WDR7: variants seen among roughly 807,000 people sequenced by gnomAD.
WDR7 encodes the protein WD repeat domain 7, also known as WD repeat-containing protein 7.
WDR7 carries 46 observed loss-of-function variants against 169.4 expected under a neutral mutation model. The observed-to-expected ratio is 0.27, with a 90% CI of 0.21 to 0.35. The LOEUF is 0.35. Ranked by LOEUF, WDR7 falls within the 10% of genes least tolerant of loss-of-function variation. WDR7 has a pLI of 1.00. For synonymous variants in WDR7, 612 were observed against 666.8 expected, an observed-to-expected ratio of 0.92 and a Z score of 1.27; for missense variants, 1,534 against 1,859.3, an observed-to-expected ratio of 0.83 and a Z score of 3.22.
chr18:56,817,964 C>G (rs1406568065), intron 20 of WDR7, among the ~76,000 whole-genome samples: 1 of 152,088 alleles, frequency 6.6e-6, no homozygotes, highest in Non-Finnish European at 1.5e-5. Flanking sequence ...AGGCTGGTCT[C>G]AAATTCCTGA....
intron 26 of WDR7, among the ~76,000 whole-genome samples, chr18:56,983,333 C>T (rs1203542949): frequency 4.6e-5 from 7 of 152,090 alleles, no homozygotes; most frequent in African/African-American, 1.7e-4. Flanking sequence ...TAAGAAGCCA[C>T]CTTTCCTATT....
At chr18:56,958,827 T>TA (rs1294928640) in intron 25 of WDR7, among the ~76,000 whole-genome samples, 1 of 152,166 alleles carries the variant, frequency 6.6e-6, no homozygotes, top group Non-Finnish European at 1.5e-5. Context: ...GTCATAAAAA[T>TA]CCATGTTTAG....
intron 1 of WDR7, among the ~76,000 whole-genome samples, chr18:56,662,251 T>C (rs2024920326): frequency 6.6e-6 from 1 of 152,232 alleles, no homozygotes; most frequent in Admixed American, 6.5e-5. Flanking sequence ...GAAAACACCC[T>C]GTTGCTAGGA....
At position 56,757,258 on chromosome 18, in the gene WDR7, C is replaced by G. The variant is rs1483957145; in HGVS notation, c.2665C>G (p.Gln889Glu). Residue 889 changes from glutamine to glutamate, a missense_variant, in exon 15 of 28, where the codon CAG becomes GAG. Transcript: ENST00000254442. ...CGGAGTGTCCCGTGCCGTCACCACA[C>G]AGCATCTCCTGTCTATCATTTCTTT... ...TYGVSRAVTT[Q>E]HLLSIISLAN... The G allele has an allele frequency of 3.1e-6, 5 of 1,614,180 alleles. No individual in the cohort carries two copies. Among genetic ancestry groups the G allele is most frequent in the Non-Finnish European group, 4.2e-6 (5 of 1,180,028 alleles).
chr18:56,848,627 G>A (rs1235019736), intron 20 of WDR7, among the ~76,000 whole-genome samples: 2 of 152,128 alleles, frequency 1.3e-5, no homozygotes, highest in African/African-American at 4.8e-5. Context: ...TGAGTCATGG[G>A]GGTGGATCCC....
intron 21 of WDR7, among the ~76,000 whole-genome samples, chr18:56,897,562 AG>A (rs1449800802): frequency 6.6e-6 from 1 of 152,020 alleles, no homozygotes; most frequent in East Asian, 1.9e-4. Flanking sequence ...GTGCTAAGAA[AG>A]GGGGTGAATT....
chr18:56,671,071 C>T (rs955074269), intron 1 of WDR7, among the ~76,000 whole-genome samples: 2 of 152,160 alleles, frequency 1.3e-5, no homozygotes, highest in Non-Finnish European at 2.9e-5. Flanking sequence ...TGCTCTCCTG[C>T]AAGAGGTGCA....
chr18:56,677,374 C>A (rs185582606), intron 2 of WDR7, among the ~76,000 whole-genome samples: 2 of 152,188 alleles, frequency 1.3e-5, no homozygotes, highest in East Asian at 3.9e-4. Context: ...TATTTTGAGA[C>A]AGTATTTCTC....
intron 26 of WDR7, among the ~76,000 whole-genome samples, chr18:56,978,083 C>T (rs2047592711): frequency 6.6e-6 from 1 of 152,160 alleles, no homozygotes; most frequent in South Asian, 2.1e-4. Context: ...TGCCATTATA[C>T]CTATACAGCA....
chr18:56,756,828 A>G lies in WDR7; in HGVS notation c.2235A>G (p.Gln745=). The G allele has an allele frequency of 6.2e-7, 1 of 1,614,138 alleles. No homozygotes were observed. The highest frequency in any genetic ancestry group is 8.5e-7 in the Non-Finnish European group (1 of 1,180,024). Residue 745 remains glutamine, a synonymous_variant, in exon 15 of 28, where the codon CAA becomes CAG. Coordinates refer to ENST00000254442, the MANE Select transcript of WDR7 (RefSeq NM_015285.3). ...TGKRAAVLFQ[Q]VKETIKENIK... Reference sequence around the variant, plus strand: ...AACGAGCAGCAGTTCTCTTCCAACAAGTGAAAGAAACGATCAAAGAGAACA... The same window carrying G: ...AACGAGCAGCAGTTCTCTTCCAACAGGTGAAAGAAACGATCAAAGAGAACA...
chr18:56,810,700 CAA>C (rs1298568175), intron 19 of WDR7, among the ~76,000 whole-genome samples: 3 of 152,090 alleles, frequency 2.0e-5, no homozygotes, highest in African/African-American at 4.8e-5. Context: ...AAAAAAGTAT[CAA>C]GAGAGTACAC....
At chr18:56,657,398 C>A (rs2024801381) in intron 1 of WDR7, among the ~76,000 whole-genome samples, 1 of 152,128 alleles carries the variant, frequency 6.6e-6, no homozygotes, top group Non-Finnish European at 1.5e-5. Flanking sequence ...ATCCTCCCAC[C>A]TAGGCCTCCT....
intron 21 of WDR7, among the ~76,000 whole-genome samples, chr18:56,906,535 T>C (rs1057263302): frequency 2.3e-5 from 3 of 131,338 alleles, no homozygotes; most frequent in African/African-American, 8.3e-5. Flanking sequence ...TTTCTTTCTT[T>C]CTTTCCTTCT....
intron 20 of WDR7, among the ~76,000 whole-genome samples, chr18:56,855,611 T>C (rs757974334): frequency 6.6e-6 from 1 of 152,198 alleles, no homozygotes; most frequent in Non-Finnish European, 1.5e-5. Flanking sequence ...CTTCATGATA[T>C]ATGCATATCT....
intron 20 of WDR7, among the ~76,000 whole-genome samples, chr18:56,839,880 T>C (rs2045454663): frequency 6.6e-6 from 1 of 151,922 alleles, no homozygotes; most frequent in Admixed American, 6.6e-5. Context: ...GGCCAAAATA[T>C]TGAAACCTCG....
At chr18:56,776,683 C>T in intron 16 of WDR7, 99 bp from the exon 17 acceptor site, 4 of 951,162 alleles carry the variant, frequency 4.2e-6, no homozygotes, top group South Asian at 2.7e-5. Flanking sequence ...CTCTGTTTTG[C>T]CTACTTTGTT....
chr18:56,952,852 A>G (rs2047202044), intron 25 of WDR7, among the ~76,000 whole-genome samples: 1 of 152,226 alleles, frequency 6.6e-6, no homozygotes, highest in Admixed American at 6.5e-5. Context: ...TGGAAAGGCT[A>G]TCTATTATAT....
chr18:56,930,804 A>T (rs368357410), intron 22 of WDR7, among the ~76,000 whole-genome samples: 1 of 152,194 alleles, frequency 6.6e-6, no homozygotes, highest in Non-Finnish European at 1.5e-5. Flanking sequence ...AGGCTATTCA[A>T]TGAAAGTTTA....
At chr18:56,652,099 C>T (rs1598934451) in intron 1 of WDR7, among the ~76,000 whole-genome samples, 4 of 152,180 alleles carry the variant, frequency 2.6e-5, no homozygotes, top group Admixed American at 2.6e-4. Flanking sequence ...CACTCCCATT[C>T]ACTTAGTGAT....
Sources: gnomAD v4.1 joint callset for allele counts (sites outside exome capture counted in the v4.1 genomes callset) on GRCh38, gnomAD v4.1.1 for gene constraint, MANE v1.5 for transcripts, NCBI Gene and HGNC (gene_info 2026-07-23, HGNC 2026-07-21) for gene names.